NCOA2: variants seen among roughly 807,000 people sequenced by gnomAD.
NCOA2 encodes nuclear receptor coactivator 2, also known as class E basic helix-loop-helix protein 75.
A neutral mutation model predicts 145.1 loss-of-function variants in NCOA2; 21 were observed. The ratio of observed to expected loss-of-function variants is 0.14; its 90% CI spans 0.10 to 0.21. NCOA2 has a LOEUF of 0.21. NCOA2 is among the 10% of genes least tolerant of loss of function. The probability of loss-of-function intolerance (pLI) is 1.00; values close to 1 mark genes in which losing one functional copy is unlikely to be tolerated. For missense variants in NCOA2, 1,472 were observed against 1,837.6 expected (o/e 0.80, Z 3.64); for synonymous variants, 619 against 637.5 (o/e 0.97, Z 0.44).
chr8:70,160,187 ACT>A (rs1039803201), intron 9 of NCOA2, among the ~76,000 whole-genome samples: 2 of 152,194 alleles, frequency 1.3e-5, no homozygotes, highest in Non-Finnish European at 1.5e-5. Context: ...CCTGTTTCTC[ACT>A]GTGTAAGAAG....
chr8:70,145,956 C>T lies in NCOA2; in HGVS notation c.2606-1108G>A, dbSNP rs575713178. ...CCCAATAGTAATTTCAAATATATAA[C>T]TGTATTTGCTAATTAAACCAGTGTT... On this transcript the variant is annotated intron_variant, in intron 12 of 22. Coordinates refer to ENST00000452400, the MANE Select transcript of NCOA2 (RefSeq NM_006540.4). Among the ~76,000 whole-genome samples, 5 of 152,294 alleles carry T rather than the reference C, an allele frequency of 3.3e-5. No individual in the cohort carries two copies. The East Asian group carries it at 5.8e-4, about 18-fold the overall frequency.
chr8:70,313,404 A>C (rs959844678), intron 1 of NCOA2, among the ~76,000 whole-genome samples: 4 of 152,190 alleles, frequency 2.6e-5, no homozygotes, highest in African/African-American at 9.6e-5. Context: ...TGAAAATGTA[A>C]GGCAGCTTAG....
intron 2 of NCOA2, among the ~76,000 whole-genome samples, chr8:70,279,518 T>G (rs1825719545): frequency 6.6e-6 from 1 of 152,146 alleles, no homozygotes; most frequent in Non-Finnish European, 1.5e-5. Flanking sequence ...ACACAAACCT[T>G]AACCTTGGCT....
intron 2 of NCOA2, among the ~76,000 whole-genome samples, chr8:70,291,108 G>T (rs1586388347): frequency 6.6e-6 from 1 of 152,074 alleles, no homozygotes; most frequent in African/African-American, 2.4e-5. Flanking sequence ...CAGACAAGTG[G>T]AATATTCAAG....
chr8:70,205,893 C>T (rs1262060809), intron 4 of NCOA2, among the ~76,000 whole-genome samples: 1 of 152,182 alleles, frequency 6.6e-6, no homozygotes, highest in African/African-American at 2.4e-5. Flanking sequence ...TTAGCAGATT[C>T]TTGTATAGGA....
the NCOA2 span, among the ~76,000 whole-genome samples, chr8:70,446,380 T>G: frequency 6.6e-6 from 1 of 152,166 alleles, no homozygotes; most frequent in African/African-American, 2.4e-5. Context: ...TGGAAGAATA[T>G]AGGATTACAG....
rs1487669963 is a variant in NCOA2, at chr8:70,163,023, T to C, written c.833-169A>G. 3.4e-5 allele frequency among the ~76,000 whole-genome samples: 5 copies of C among 148,650 alleles called. No homozygotes were observed. In the East Asian group the frequency reaches 7.9e-4, roughly 24 times the overall value. ...TCTACCTCCTGGGGTCAAACGACTC[T>C]TGTGAATCAGATGCCCAAGTAGCTG... On this transcript the variant is annotated intron_variant, in intron 8 of 22. Transcript: ENST00000452400.
chr8:70,259,420 C>T (rs1357848882), intron 2 of NCOA2, among the ~76,000 whole-genome samples: 1 of 152,144 alleles, frequency 6.6e-6, no homozygotes, highest in Non-Finnish European at 1.5e-5. Context: ...TACTCATCTT[C>T]GTATTCCCTA....
chr8:70,156,172 T>C lies in NCOA2; in HGVS notation c.2193A>G (p.Lys731=), dbSNP rs1399698303. 1.9e-5 allele frequency: 30 copies of C among 1,613,870 alleles called. No homozygotes were observed. The highest frequency in any genetic ancestry group is 2.5e-5 in the Non-Finnish European group (29 of 1,179,852). ...TCTTCTTGGGGCTCACCGGCTCTTGTTTAATAGTCACTTCTGATCCAGGAG... is the reference window on the plus strand; with the variant it reads ...TCTTCTTGGGGCTCACCGGCTCTTGCTTAATAGTCACTTCTGATCCAGGAG... ...STAPGSEVTI[K]QEPVSPKKKE... Residue 731 remains lysine (K), a synonymous_variant, in exon 11 of 23, where the codon AAA becomes AAG. Coordinates refer to ENST00000452400, the MANE Select transcript of NCOA2 (RefSeq NM_006540.4).
intron 2 of NCOA2, among the ~76,000 whole-genome samples, chr8:70,232,273 G>C (rs1821205621): frequency 6.6e-6 from 1 of 152,058 alleles, no homozygotes; most frequent in African/African-American, 2.4e-5. Context: ...CCCTCTCATA[G>C]AATTCTTTCT....
chr8:70,291,330 T>A (rs1826662919), intron 2 of NCOA2, among the ~76,000 whole-genome samples: 1 of 152,130 alleles, frequency 6.6e-6, no homozygotes, highest in South Asian at 2.1e-4. Flanking sequence ...CTCAAAAGAT[T>A]TACACAAGAT....
intron 2 of NCOA2, among the ~76,000 whole-genome samples, chr8:70,243,034 T>C (rs554409211): frequency 8.5e-5 from 13 of 152,202 alleles, no homozygotes; most frequent in African/African-American, 3.1e-4. Context: ...CTGATAATAA[T>C]ACTGGGGTGC....
chr8:70,237,912 G>A (rs534036948), intron 2 of NCOA2, among the ~76,000 whole-genome samples: 100 of 152,172 alleles, frequency 6.6e-4, no homozygotes, highest in Middle Eastern at 3.4e-3. Flanking sequence ...TCTAAGTAAG[G>A]GAAACCAAAG....
At chr8:70,450,085 A>G in the NCOA2 span, among the ~76,000 whole-genome samples, 4 of 152,212 alleles carry the variant, frequency 2.6e-5, no homozygotes, top group Non-Finnish European at 4.4e-5. Context: ...GAACAAAACC[A>G]TTGTGTGAAA....
At chr8:70,339,679 TCAAGCTATACTA>T in intron 1 of NCOA2, among the ~76,000 whole-genome samples, 1 of 152,292 alleles carries the variant, frequency 6.6e-6, no homozygotes, top group Middle Eastern at 3.4e-3. Context: ...CTACCCGACT[TCAAGCTATACTA>T]CAAGGCTACA....
the NCOA2 span, among the ~76,000 whole-genome samples, chr8:70,413,725 T>A: frequency 7.2e-5 from 11 of 152,262 alleles, no homozygotes; most frequent in African/African-American, 2.7e-4. Flanking sequence ...TTTGTTTTTA[T>A]TCAAAATATT....
intron 2 of NCOA2, among the ~76,000 whole-genome samples, chr8:70,217,869 C>T (rs1819772748): frequency 6.6e-6 from 1 of 152,088 alleles, no homozygotes; most frequent in Non-Finnish European, 1.5e-5. Context: ...CCTAGAGCTC[C>T]TATTCGATAC....
intron 4 of NCOA2, 55 bp downstream of exon 4, chr8:70,213,848 C>A: frequency 7.0e-7 from 1 of 1,436,038 alleles, no homozygotes; most frequent in Non-Finnish European, 9.4e-7. Context: ...ACTTCTCACA[C>A]AGGGAAAAAC....
At chr8:70,141,067 C>A (rs1810351337) in intron 14 of NCOA2, 117 bp downstream of exon 14, 1 of 1,020,844 alleles carries the variant, frequency 9.8e-7, no homozygotes. Flanking sequence ...CTTATGGCAG[C>A]TTCATGGGAG....
Sources: gnomAD v4.1 joint callset for allele counts (sites outside exome capture counted in the v4.1 genomes callset) on GRCh38, gnomAD v4.1.1 for gene constraint, MANE v1.5 for transcripts, NCBI Gene and HGNC (gene_info 2026-07-23, HGNC 2026-07-21) for gene names.